The following ANP32A variants were observed in gnomAD, a reference collection of about 807,000 sequenced individuals.
The protein encoded by ANP32A is acidic leucine-rich nuclear phosphoprotein 32 family member A.
A neutral mutation model predicts 33.9 loss-of-function variants in ANP32A; 1 was observed. That is an observed-to-expected ratio of 0.03 (90% confidence interval 0.01 to 0.14). ANP32A has a LOEUF of 0.14. ANP32A is among the 10% of genes least tolerant of loss of function. The pLI is 1.00. For synonymous variants in ANP32A, 115 were observed against 120.5 expected (o/e 0.95, Z 0.30); for missense variants, 155 against 306.0 (o/e 0.51, Z 3.68).
At chr15:68,808,016 A>G (rs1012572787) in intron 1 of ANP32A, among the ~76,000 whole-genome samples, 1 of 152,190 alleles carries the variant, frequency 6.6e-6, no homozygotes, top group Non-Finnish European at 1.5e-5. Flanking sequence ...GAACAATCCC[A>G]TGGTGGTGGG....
chr15:68,820,238 G>C (rs1894453526), intron 1 of ANP32A, among the ~76,000 whole-genome samples: 1 of 152,094 alleles, frequency 6.6e-6, no homozygotes, highest in Admixed American at 6.5e-5. Flanking sequence ...GGGGCGGAAG[G>C]GGGGATACAT....
At chr15:68,797,746 C>A (rs1894082172) in intron 1 of ANP32A, among the ~76,000 whole-genome samples, 1 of 152,172 alleles carries the variant, frequency 6.6e-6, no homozygotes, top group African/African-American at 2.4e-5. Flanking sequence ...CCCCTTCTGT[C>A]CCTCCCAGGC....
rs116807535 is a variant in ANP32A at position 68,799,050 on chromosome 15, T to C, written c.55-11131A>G. 8.1e-3 allele frequency among the ~76,000 whole-genome samples: 1,237 copies of C among 152,310 alleles called. 29 individuals are homozygous for C. Among genetic ancestry groups the C allele is most frequent in the African/African-American group, 0.028 (1,179 of 41,556 alleles). ...CCAGGGGCTACACATAAGAAGCAAT[T>C]TAACATTAGTTATTTCTCCCTTAGA... On this transcript the variant is annotated intron_variant, in intron 1 of 6. Transcript: ENST00000465139.
At chr15:68,792,876 A>G (rs1894015929) in intron 1 of ANP32A, among the ~76,000 whole-genome samples, 1 of 152,206 alleles carries the variant, frequency 6.6e-6, no homozygotes, top group Non-Finnish European at 1.5e-5. Flanking sequence ...TATAAAGAGT[A>G]AACTCCAGCC....
At chr15:68,782,526 T>C (rs1479926691) in intron 5 of ANP32A, among the ~76,000 whole-genome samples, 1 of 152,186 alleles carries the variant, frequency 6.6e-6, no homozygotes, top group Admixed American at 6.5e-5. Flanking sequence ...ATAGTGTCAC[T>C]CTCTGATTTG....
In ANP32A at chr15:68,780,968, G is replaced by GC. The variant is rs1360171395; in HGVS notation, c.625-496dup. 6.4e-6 allele frequency: 1 copy of GC among 156,192 alleles called. No homozygotes were observed. Among genetic ancestry groups the GC allele is most frequent in the East Asian group, 1.9e-4 (1 of 5,252 alleles). 9.7% of individuals were successfully genotyped at this position (156,192 alleles called of 1,614,324 possible). On this transcript the variant is annotated intron_variant, in intron 5 of 6. Transcript: ENST00000465139. This position sits in a 1 kb window ranked among gnomAD's most constrained non-coding sequence, Gnocchi z 4.3. Reference sequence around the variant, plus strand: ...GGCAAGTTCAACGTCACCTGACCCAGCCCCTTCCCTAGCTTGCAAACTTGG... The same window carrying GC: ...GGCAAGTTCAACGTCACCTGACCCAGCCCCCTTCCCTAGCTTGCAAACTTGG...
rs1893834320 is a variant in ANP32A at position 68,779,323 on chromosome 15, G to T, written c.*758C>A. 1 of 149,896 alleles carries T rather than the reference G, an allele frequency of 6.7e-6. No homozygotes were observed. The highest frequency in any genetic ancestry group is 1.5e-5 in the Non-Finnish European group (1 of 67,290). The allele number at this position is 149,896 out of a possible 1,614,324, so 9.3% of individuals were successfully genotyped here. A position where few individuals can be genotyped will look rare whatever the true frequency, so the allele number is the denominator to read the frequency against. Reference sequence around the variant, plus strand: ...ATATTTTACAGAACAAGATAGGACAGTTTTTTTTTTCTTTTAAAGAAGTTG... The same window carrying T: ...ATATTTTACAGAACAAGATAGGACATTTTTTTTTTTCTTTTAAAGAAGTTG... On this transcript the variant is annotated 3_prime_UTR_variant, in exon 7 of 7. Coordinates refer to ENST00000465139, the MANE Select transcript of ANP32A (RefSeq NM_006305.4).
At chr15:68,817,960 G>A (rs1894408791) in intron 1 of ANP32A, among the ~76,000 whole-genome samples, 2 of 152,338 alleles carry the variant, frequency 1.3e-5, no homozygotes, top group African/African-American at 4.8e-5. Context: ...GGCGCGCAGG[G>A]CCCTGGAGGC....
intron 1 of ANP32A, among the ~76,000 whole-genome samples, chr15:68,816,056 C>T (rs1292864874): frequency 1.3e-5 from 2 of 152,188 alleles, no homozygotes; most frequent in Non-Finnish European, 2.9e-5. Flanking sequence ...CTGTGATGTG[C>T]TAAAGCAAAC....
rs375573231 is a variant in ANP32A at position 68,818,051 on chromosome 15, T to A, written c.54+2647A>T. On this transcript the variant is annotated intron_variant, in intron 1 of 6. Transcript: ENST00000465139. ...CTAGCCGTTAAAAAAAATAAATAAATAAAAATAAATAAATAAAACACCTGG... is the reference window on the plus strand; with the variant it reads ...CTAGCCGTTAAAAAAAATAAATAAAAAAAAATAAATAAATAAAACACCTGG... 1.5e-4 allele frequency among the ~76,000 whole-genome samples: 22 copies of A among 151,664 alleles called. No individual in the cohort carries two copies. In the South Asian group the frequency reaches 4.0e-3, roughly 27 times the overall value.
At chr15:68,794,353 C>A (rs1249193787) in intron 1 of ANP32A, among the ~76,000 whole-genome samples, 1 of 152,218 alleles carries the variant, frequency 6.6e-6, no homozygotes, top group Non-Finnish European at 1.5e-5. Flanking sequence ...TGGATTTTTA[C>A]ATCCACACCT....
chr15:68,795,361 G>T (rs1217990640), intron 1 of ANP32A, among the ~76,000 whole-genome samples: 1 of 152,156 alleles, frequency 6.6e-6, no homozygotes, highest in Non-Finnish European at 1.5e-5. Context: ...AGGCAGGCGG[G>T]GAGCACATGG....
At chr15:68,805,127 T>C (rs1894198699) in intron 1 of ANP32A, among the ~76,000 whole-genome samples, 1 of 152,194 alleles carries the variant, frequency 6.6e-6, no homozygotes, top group African/African-American at 2.4e-5. Flanking sequence ...GAGGCATCAG[T>C]AGGGTCTCTC....
intron 1 of ANP32A, chr15:68,812,800 C>G (rs755664739): frequency 6.6e-6 from 1 of 152,082 alleles, no homozygotes; most frequent in African/African-American, 2.4e-5. Context: ...AATGCGTGTA[C>G]ATACCAGGGA....
At chr15:68,816,687 A>G (rs1323582201) in intron 1 of ANP32A, among the ~76,000 whole-genome samples, 1 of 152,170 alleles carries the variant, frequency 6.6e-6, no homozygotes, top group African/African-American at 2.4e-5. Context: ...GAAGAAACAA[A>G]GCTTCAAAAA....
At chr15:68,793,824 T>C (rs1016111984) in intron 1 of ANP32A, among the ~76,000 whole-genome samples, 1 of 152,176 alleles carries the variant, frequency 6.6e-6, no homozygotes, top group African/African-American at 2.4e-5. Flanking sequence ...TTAAACCAAG[T>C]GCGTGCTGCA....
intron 5 of ANP32A, among the ~76,000 whole-genome samples, chr15:68,781,974 T>G (rs1893874731): frequency 6.6e-6 from 1 of 152,190 alleles, no homozygotes; most frequent in African/African-American, 2.4e-5. Flanking sequence ...GAAGACACTA[T>G]CTGAGTGAGT....
Position 68,780,599 on chromosome 15 carries a change from C to A in ANP32A, c.625-126G>T. On this transcript the variant is annotated intron_variant, in intron 5 of 6. Transcript: ENST00000465139. The surrounding 1 kb of genome is among the most constrained non-coding windows in gnomAD (Gnocchi z 4.3). ...TCTCAGAGCCCCCACCAAGACTTGA[C>A]ATCTCGGGAGGAATGTAAAGCAGAG... 1.4e-6 allele frequency: 2 copies of A among 1,461,576 alleles called. No individual in the cohort carries two copies. The highest frequency in any genetic ancestry group is 1.8e-6 in the Non-Finnish European group (2 of 1,102,326). The allele number at this position is 1,461,576 out of a possible 1,614,324, so 90.5% of individuals were successfully genotyped here. A position where few individuals can be genotyped will look rare whatever the true frequency, so the allele number is the denominator to read the frequency against.
At position 68,782,974 on chromosome 15, in the gene ANP32A, G is replaced by A. The variant is rs958159314; in HGVS notation, c.606C>T (p.Asp202=). 2.8e-5 allele frequency: 43 copies of A among 1,551,518 alleles called. No homozygotes were observed. Among genetic ancestry groups the A allele is most frequent in the East Asian group, 7.3e-5 (3 of 40,912 alleles). ...TCCTTACCTCCTCCTCTCCACTCAC[G>A]TCCTCCTCTTCACCTTCCTCCTCCT... ...EDEEEEGEEE[D]VSGEEEEDEE... is the part of the protein sequence containing the mutation. Residue 202 remains aspartate, a synonymous_variant, in exon 5 of 7, where the codon GAC becomes GAT. Coordinates refer to ENST00000465139, the MANE Select transcript of ANP32A (RefSeq NM_006305.4).
Sources: allele counts gnomAD v4.1 joint callset (sites outside exome capture counted in the v4.1 genomes callset), GRCh38; gene constraint gnomAD v4.1.1; non-coding constraint Gnocchi (gnomAD v3.1); transcripts MANE v1.5; gene names NCBI Gene and HGNC (gene_info 2026-07-23, HGNC 2026-07-21).